The following CHD6 variants were observed in gnomAD, a reference collection of about 807,000 sequenced individuals.
CHD6 encodes the protein chromodomain helicase DNA binding protein 6.
A neutral mutation model predicts 276.9 loss-of-function variants in CHD6; 50 were observed. The ratio of observed to expected loss-of-function variants is 0.18; its 90% CI spans 0.14 to 0.23. The LOEUF (loss-of-function observed/expected upper bound fraction) is 0.23, where lower values mean the gene tolerates loss of function less well. CHD6 is among the 10% of genes least tolerant of loss of function. CHD6 has a pLI of 1.00. For missense variants in CHD6, 2,564 were observed against 3,365.8 expected, an observed-to-expected ratio of 0.76 and a Z score of 5.89; for synonymous variants, 1,173 against 1,229.3, an observed-to-expected ratio of 0.95 and a Z score of 0.96.
intron 1 of CHD6, among the ~76,000 whole-genome samples, chr20:41,566,337 T>C (rs1276348750): frequency 1.3e-5 from 2 of 152,088 alleles, no homozygotes; most frequent in Non-Finnish European, 2.9e-5. Flanking sequence ...GGCAGTGAGA[T>C]AGTGAGGGAA....
At chr20:41,515,952 T>C (rs541640082) in intron 3 of CHD6, among the ~76,000 whole-genome samples, 1 of 152,234 alleles carries the variant, frequency 6.6e-6, no homozygotes, top group African/African-American at 2.4e-5. Context: ...TGAATGGCTA[T>C]GATTAACTGT....
At chr20:41,565,894 T>G (rs1176736256) in intron 1 of CHD6, among the ~76,000 whole-genome samples, 2 of 152,102 alleles carry the variant, frequency 1.3e-5, no homozygotes, top group Non-Finnish European at 2.9e-5. Flanking sequence ...CTATGGAAAG[T>G]GGGAGAACAA....
chr20:41,531,216 C>T lies in CHD6; in HGVS notation c.554+1834G>A, dbSNP rs1337321623. Among the ~76,000 whole-genome samples the T allele has an allele frequency of 4.6e-5, 7 of 152,152 alleles. No homozygotes were observed. The East Asian group carries it at 1.3e-3, about 29-fold the overall frequency. On this transcript the variant is annotated intron_variant, in intron 3 of 36. Transcript: ENST00000373233. ...CATCAGAAACCAGTGGCTAAGTGGG[C>T]TCAGACACCTATGGCTTTCTAATGT... is the stretch of plus-strand genomic sequence containing the variant.
At chr20:41,426,561 T>C (rs1255739137) in intron 27 of CHD6, among the ~76,000 whole-genome samples, 1 of 152,234 alleles carries the variant, frequency 6.6e-6, no homozygotes, top group Non-Finnish European at 1.5e-5. Flanking sequence ...TTCTGTTCTT[T>C]TGCTGTGAAA....
chr20:41,501,770 A>C (rs2043835544), intron 5 of CHD6, among the ~76,000 whole-genome samples: 1 of 152,210 alleles, frequency 6.6e-6, no homozygotes, highest in East Asian at 1.9e-4. Flanking sequence ...TGATTGTAAA[A>C]ATTTTGACAC....
chr20:41,533,452 A>T lies in CHD6; in HGVS notation c.152T>A (p.Val51Asp). ...CTTCTGAGGCAGACAGTGACTAGCA[A>T]CATCTTCAATTTTCTCTTCTTGATC... is the stretch of plus-strand genomic sequence containing the variant. Reference protein sequence around the residue: ...STDQEEKIEDVASHCLPQKDL... With the variant: ...STDQEEKIEDDASHCLPQKDL... Residue 51 changes from valine to aspartate, a missense_variant, in exon 3 of 37, where the codon GTT (valine) becomes GAT (aspartate). Physicochemically the swap from Val to Asp is radical, Grantham distance 152. This residue lies in a region of CHD6 where 286 missense variants were observed against 297.8 expected (regional missense o/e 0.96). Transcript: ENST00000373233. 1 of 1,614,194 alleles carries T rather than the reference A, an allele frequency of 6.2e-7. No homozygotes were observed. Among genetic ancestry groups the T allele is most frequent in the Non-Finnish European group, 8.5e-7 (1 of 1,180,024 alleles).
chr20:41,514,136 A>G (rs1001317488), intron 4 of CHD6, among the ~76,000 whole-genome samples: 6 of 152,200 alleles, frequency 3.9e-5, no homozygotes, highest in African/African-American at 1.4e-4. Flanking sequence ...TGAGAAACCC[A>G]TGAAGGTCCA....
At chr20:41,585,996 G>T (rs1177461994) in intron 1 of CHD6, among the ~76,000 whole-genome samples, 2 of 152,080 alleles carry the variant, frequency 1.3e-5, no homozygotes, top group African/African-American at 2.4e-5. Context: ...TAGTAAAGAG[G>T]GCTCACTAAA....
chr20:41,556,596 T>C (rs912633565), intron 1 of CHD6, among the ~76,000 whole-genome samples: 1 of 152,120 alleles, frequency 6.6e-6, no homozygotes, highest in African/African-American at 2.4e-5. Flanking sequence ...AATGTGCATG[T>C]GAAATCTGAA....
chr20:41,582,450 G>A (rs984554478), intron 1 of CHD6, among the ~76,000 whole-genome samples: 1 of 152,112 alleles, frequency 6.6e-6, no homozygotes, highest in Non-Finnish European at 1.5e-5. Context: ...CCTGTAACAG[G>A]TGCTGAATAT....
intron 3 of CHD6, among the ~76,000 whole-genome samples, chr20:41,523,881 T>C (rs546264217): frequency 6.6e-6 from 1 of 152,326 alleles, no homozygotes; most frequent in African/African-American, 2.4e-5. Flanking sequence ...ACTCCAGGTA[T>C]TGAAAGCTCT....
Position 41,514,970 on chromosome 20 carries a change from G to A in CHD6, c.555-18C>T. 1.2e-6 allele frequency: 2 copies of A among 1,612,908 alleles called. No homozygotes were observed. Among genetic ancestry groups the A allele is most frequent in the Non-Finnish European group, 1.7e-6 (2 of 1,179,502 alleles). On this transcript the variant is annotated intron_variant, in intron 3 of 36. Transcript: ENST00000373233. ...GCTCCTTGCTACAAGGAGAAATTCA[G>A]AATTAAAACTGTTGGGCAGTTTTTA...
Position 41,447,974 on chromosome 20 carries a change from A to G in CHD6, c.3684-3T>C, listed in dbSNP as rs779506375. The stretch of plus-strand genomic sequence containing the variant: ...GCATCCGGACTCGCAAAAGTACTCT[A>G]TGAAAGGTGAACACATTAATGCAAA... On this transcript the variant is annotated splice_region_variant and splice_polypyrimidine_tract_variant and intron_variant, in intron 23 of 36. Transcript: ENST00000373233. 1.9e-6 allele frequency: 3 copies of G among 1,590,532 alleles called. No homozygotes were observed. Among genetic ancestry groups the G allele is most frequent in the Non-Finnish European group, 2.6e-6 (3 of 1,161,310 alleles).
At chr20:41,557,053 A>G (rs918565753) in intron 1 of CHD6, among the ~76,000 whole-genome samples, 2 of 152,234 alleles carry the variant, frequency 1.3e-5, no homozygotes, top group Admixed American at 6.5e-5. Context: ...GAACAAATCA[A>G]AATGTAATTT....
intron 2 of CHD6, among the ~76,000 whole-genome samples, chr20:41,550,942 T>C (rs957298949): frequency 1.3e-5 from 2 of 152,220 alleles, no homozygotes; most frequent in Non-Finnish European, 2.9e-5. Context: ...AGAATGCTTT[T>C]AGTTTAACCA....
At chr20:41,590,253 T>C (rs1001154964) in intron 1 of CHD6, among the ~76,000 whole-genome samples, 3 of 152,064 alleles carry the variant, frequency 2.0e-5, no homozygotes, top group Admixed American at 6.5e-5. Context: ...CCTAAAACCA[T>C]AAAAACGCTA....
chr20:41,480,052 G>A (rs1277087866), intron 16 of CHD6, among the ~76,000 whole-genome samples: 1 of 152,174 alleles, frequency 6.6e-6, no homozygotes, highest in African/African-American at 2.4e-5. Context: ...GATTCCTTAA[G>A]AATGAGAGCA....
intron 25 of CHD6, 104 bp from the exon 26 acceptor site, chr20:41,440,233 A>G (rs902480226): frequency 9.8e-7 from 1 of 1,023,048 alleles, no homozygotes; most frequent in African/African-American, 1.6e-5. Context: ...GAACAAAACA[A>G]ACACAAAAAA....
In CHD6 at chr20:41,421,356, A is replaced by C. The variant is rs138633250; in HGVS notation, c.5279T>G (p.Phe1760Cys). Residue 1760 changes from phenylalanine to cysteine, a missense_variant, in exon 31 of 37, where the codon TTT becomes TGT. Physicochemically the swap from Phe to Cys is radical, Grantham distance 205. Around this residue, in one of 7 missense-constraint regions of CHD6, gnomAD observed 1,024 missense variants for 1,047.9 expected, o/e 0.98. Transcript: ENST00000373233. ...PEAEIASGPT[F>C]MGSLEAGGVA... ...TCCTCCTGCTTCTAAGCTACCCATA[A>C]AAGTAGGGCCAGAAGCTATTTCTGC... The C allele has an allele frequency of 2.8e-5, 45 of 1,613,876 alleles. No individual in the cohort carries two copies. The highest frequency in any genetic ancestry group is 3.6e-5 in the Non-Finnish European group (43 of 1,179,990).
Sources: gnomAD v4.1 joint callset for allele counts (sites outside exome capture counted in the v4.1 genomes callset) on GRCh38, gnomAD v4.1.1 for gene constraint, gnomAD v4.1.1 regional missense constraint, MANE v1.5 for transcripts, NCBI Gene and HGNC (gene_info 2026-07-23, HGNC 2026-07-21) for gene names.